The following SLC30A8 variants were observed in gnomAD, a reference collection of about 807,000 sequenced individuals.
SLC30A8 encodes the protein solute carrier family 30 member 8.
In SLC30A8, 27 loss-of-function variants were observed where a neutral mutation model predicts 36.9. The observed-to-expected ratio is 0.73, with a 90% CI of 0.54 to 1.01. The LOEUF is 1.01. Ranked by LOEUF, SLC30A8 falls within the 50% of genes least tolerant of loss-of-function variation. The probability of loss-of-function intolerance (pLI) is 0.00; values close to 1 mark genes in which losing one functional copy is unlikely to be tolerated. For missense variants in SLC30A8, 439 were observed against 452.0 expected (o/e 0.97, Z 0.26); for synonymous variants, 164 against 172.4 (o/e 0.95, Z 0.38).
chr8:117,063,521 C>T (rs1328143017), intron 2 of SLC30A8, among the ~76,000 whole-genome samples: 4 of 152,146 alleles, frequency 2.6e-5, no homozygotes, highest in Non-Finnish European at 5.9e-5. Flanking sequence ...TCTTTGATAG[C>T]ACTGACCATT....
At chr8:117,120,736 T>C (rs912658729) in intron 2 of SLC30A8, among the ~76,000 whole-genome samples, 17 of 151,640 alleles carry the variant, frequency 1.1e-4, no homozygotes, top group South Asian at 4.1e-4. Context: ...CTAAAATATA[T>C]AGGGAACTTC....
chr8:117,116,905 GC>G (rs1563607555), intron 2 of SLC30A8, among the ~76,000 whole-genome samples: 2 of 151,990 alleles, frequency 1.3e-5, no homozygotes, highest in South Asian at 4.1e-4. Context: ...CAGTATTTGG[GC>G]AAGAGCCCTT....
intron 1 of SLC30A8, among the ~76,000 whole-genome samples, chr8:117,002,270 C>T: frequency 6.6e-6 from 1 of 152,126 alleles, no homozygotes. Context: ...AGATCATTGC[C>T]AAGAGCAAGA....
chr8:117,175,184 A>G lies in SLC30A8; in HGVS notation c.*2503A>G, dbSNP rs1037394925. The G allele has an allele frequency of 5.3e-5, 8 of 152,120 alleles. 1 individual carries two copies. Among genetic ancestry groups the G allele is most frequent in the African/African-American group, 1.7e-4 (7 of 41,412 alleles). The allele number at this position is 152,120 out of a possible 1,614,324, so 9.4% of individuals were successfully genotyped here. On this transcript the variant is annotated 3_prime_UTR_variant, in exon 8 of 8. Coordinates refer to ENST00000456015, the MANE Select transcript of SLC30A8 (RefSeq NM_173851.3). ...GAACATGTAGGTTTGTTACATAGGT[A>G]TACATGTGCCATGGTGGTTTGCTGC... is the stretch of plus-strand genomic sequence containing the variant.
chr8:117,048,164 A>G (rs1817608680), intron 2 of SLC30A8, among the ~76,000 whole-genome samples: 1 of 152,208 alleles, frequency 6.6e-6, no homozygotes. Context: ...CACAAGATCC[A>G]AGAACCCTCT....
intron 2 of SLC30A8, among the ~76,000 whole-genome samples, chr8:117,119,152 G>T (rs986861126): frequency 1.3e-5 from 2 of 151,892 alleles, no homozygotes; most frequent in Non-Finnish European, 2.9e-5. Context: ...CTACTAGTAG[G>T]CTAAGAGAAA....
chr8:117,030,677 A>T (rs1432807251), intron 1 of SLC30A8, among the ~76,000 whole-genome samples: 1 of 151,560 alleles, frequency 6.6e-6, no homozygotes, highest in Non-Finnish European at 1.5e-5. Context: ...GATTTAGTCA[A>T]GGTAAGTCTA....
At chr8:116,955,603 G>T (rs547877919) in intron 1 of SLC30A8, among the ~76,000 whole-genome samples, 1 of 152,062 alleles carries the variant, frequency 6.6e-6, no homozygotes, top group African/African-American at 2.4e-5. Context: ...GATGGTGCAT[G>T]CCTATAGTTG....
chr8:116,983,279 A>C (rs917431762), intron 1 of SLC30A8, among the ~76,000 whole-genome samples: 2 of 151,966 alleles, frequency 1.3e-5, no homozygotes, highest in Admixed American at 1.3e-4. Context: ...TGCATATTTC[A>C]CCTTTTATTT....
Position 117,153,033 on chromosome 8 carries a change from C to T in SLC30A8, c.361C>T (p.Leu121=), listed in dbSNP as rs1160576215. The part of the protein sequence containing the change: ...LTSFLLSLFS[L]WLSSKPPSKR... Reference sequence around the variant, plus strand: ...CAGTTTCCTGCTCAGTCTCTTCTCCCTGTGGTTGTCATCGAAGCCTCCCTC... The same window carrying T: ...CAGTTTCCTGCTCAGTCTCTTCTCCTTGTGGTTGTCATCGAAGCCTCCCTC... The change falls in exon 3 of 8, where the codon CTG becomes TTG. Residue 121 remains leucine (L), a synonymous_variant. Transcript: ENST00000456015. 6.2e-7 allele frequency: 1 copy of T among 1,613,302 alleles called. No individual in the cohort carries two copies. The highest frequency in any genetic ancestry group is 8.5e-7 in the Non-Finnish European group (1 of 1,179,536).
Position 117,120,644 on chromosome 8 carries a change from A to C in SLC30A8, c.-225-14636A>C, listed in dbSNP as rs1244997509. ...TTAAAAATCTTCTGCACAACAAGGG[A>C]CACAATCAACAGAATAAAAAAGGCT... is the stretch of plus-strand genomic sequence containing the variant. On this transcript the variant is annotated intron_variant, in intron 2 of 10. Transcript: ENST00000427715. Among the ~76,000 whole-genome samples the C allele has an allele frequency of 8.6e-5, 13 of 151,856 alleles. 1 individual carries two copies. The highest frequency in any genetic ancestry group is 6.6e-5 in the Admixed American group (1 of 15,196).
At chr8:117,110,816 T>G (rs1324965975) in intron 2 of SLC30A8, among the ~76,000 whole-genome samples, 1 of 152,184 alleles carries the variant, frequency 6.6e-6, no homozygotes, top group Non-Finnish European at 1.5e-5. Flanking sequence ...CATTAAATCC[T>G]CACAATAGCC....
chr8:117,170,257 A>C (rs1823303241), intron 6 of SLC30A8, among the ~76,000 whole-genome samples: 1 of 152,164 alleles, frequency 6.6e-6, no homozygotes, highest in Admixed American at 6.5e-5. Flanking sequence ...TTGGAGCTTC[A>C]TCCATAGAAA....
chr8:117,015,002 A>G (rs758133889), intron 1 of SLC30A8, among the ~76,000 whole-genome samples: 3 of 134,304 alleles, frequency 2.2e-5, no homozygotes, highest in East Asian at 4.5e-4. Context: ...CTATATATCT[A>G]TATATATTAC....
chr8:116,978,877 G>A (rs564061890), intron 1 of SLC30A8, among the ~76,000 whole-genome samples: 1 of 151,542 alleles, frequency 6.6e-6, no homozygotes, highest in Admixed American at 6.6e-5. Flanking sequence ...ACACCTGTGA[G>A]TCACTGTCAT....
intron 1 of SLC30A8, among the ~76,000 whole-genome samples, chr8:117,138,412 A>G (rs1209528651): frequency 3.3e-5 from 5 of 152,076 alleles, no homozygotes; most frequent in Admixed American, 6.6e-5. Flanking sequence ...GATCTGCTCC[A>G]TTAACCTCTG....
intron 1 of SLC30A8, among the ~76,000 whole-genome samples, chr8:117,144,261 CTTTA>C (rs1009578316): frequency 2.6e-5 from 4 of 152,066 alleles, no homozygotes; most frequent in African/African-American, 9.7e-5. Context: ...GATATAAATA[CTTTA>C]TTTGTTACTT....
At chr8:116,995,935 T>A (rs10093146) in intron 1 of SLC30A8, among the ~76,000 whole-genome samples, 151,413 of 152,268 alleles carry the variant, frequency 0.99, 75,310 homozygotes, top group Middle Eastern at 1. Context: ...TGGCATTTTC[T>A]GTACTGCATG....
At chr8:116,974,116 G>GACATAGGC (rs1403556031) in intron 1 of SLC30A8, among the ~76,000 whole-genome samples, 1 of 152,078 alleles carries the variant, frequency 6.6e-6, no homozygotes, top group Non-Finnish European at 1.5e-5. Flanking sequence ...TACCATTCAG[G>GACATAGGC]ACATAGGCCT....
Sources: gnomAD v4.1 joint callset for allele counts (sites outside exome capture counted in the v4.1 genomes callset) on GRCh38, gnomAD v4.1.1 for gene constraint, MANE v1.5 for transcripts, NCBI Gene and HGNC (gene_info 2026-07-23, HGNC 2026-07-21) for gene names.